Variants in CDK14 observed in about 807,000 individuals in gnomAD.
CDK14 encodes cyclin-dependent kinase 14.
CDK14 carries 34 observed loss-of-function variants against 60.7 expected under a neutral mutation model. The observed-to-expected ratio is 0.56, with a 90% CI of 0.43 to 0.75. CDK14 has a LOEUF of 0.75. CDK14 is among the 30% of genes least tolerant of loss of function. The pLI, the probability that CDK14 is intolerant of heterozygous loss-of-function variation, is 0.00. For missense variants in CDK14, 482 were observed against 564.1 expected (o/e 0.85, Z 1.47); for synonymous variants, 197 against 203.7 (o/e 0.97, Z 0.28).
intron 14 of CDK14, among the ~76,000 whole-genome samples, chr7:91,165,944 T>C (rs1288457127): frequency 2.6e-5 from 4 of 152,228 alleles, no homozygotes; most frequent in Non-Finnish European, 5.9e-5. Flanking sequence ...ATTTGTAGGC[T>C]TGGTTAGCAC....
At chr7:90,790,008 G>A (rs1309751423) in intron 4 of CDK14, among the ~76,000 whole-genome samples, 1 of 150,732 alleles carries the variant, frequency 6.6e-6, no homozygotes, top group Non-Finnish European at 1.5e-5. Flanking sequence ...CTTTTTTGAT[G>A]ACATACTGTA....
intron 6 of CDK14, among the ~76,000 whole-genome samples, chr7:90,889,358 T>C (rs1281975345): frequency 3.9e-5 from 6 of 152,214 alleles, no homozygotes; most frequent in African/African-American, 1.4e-4. Context: ...GTTTTTTGTT[T>C]TAATGGAAGG....
chr7:91,042,140 T>G (rs1797109775), intron 10 of CDK14, among the ~76,000 whole-genome samples: 1 of 152,158 alleles, frequency 6.6e-6, no homozygotes, highest in African/African-American at 2.4e-5. Flanking sequence ...GGAGTTCAGC[T>G]GGCAAAATTA....
At chr7:91,047,715 G>A (rs559507653) in intron 11 of CDK14, among the ~76,000 whole-genome samples, 36 of 152,300 alleles carry the variant, frequency 2.4e-4, no homozygotes, top group African/African-American at 8.2e-4. Context: ...CATGGGTGGT[G>A]ATGAGCAAGA....
intron 14 of CDK14, among the ~76,000 whole-genome samples, chr7:91,160,340 T>C (rs1336666240): frequency 6.6e-6 from 1 of 152,166 alleles, no homozygotes; most frequent in African/African-American, 2.4e-5. Context: ...AGAGCATAAG[T>C]ACCACCTCCA....
intron 14 of CDK14, among the ~76,000 whole-genome samples, chr7:91,201,269 A>G (rs1802712533): frequency 1.3e-5 from 2 of 152,256 alleles, no homozygotes; most frequent in African/African-American, 4.8e-5. Context: ...TCTTTCTGTC[A>G]AATGTTAGTA....
intron 14 of CDK14, among the ~76,000 whole-genome samples, chr7:91,124,523 T>A (rs1381239454): frequency 2.6e-5 from 4 of 152,018 alleles, no homozygotes; most frequent in African/African-American, 9.7e-5. Context: ...TTTTCTCTGA[T>A]TAAGGTTTTA....
At chr7:90,630,661 T>A (rs1222099030) in intron 2 of CDK14, among the ~76,000 whole-genome samples, 1 of 152,210 alleles carries the variant, frequency 6.6e-6, no homozygotes, top group Admixed American at 6.5e-5. Context: ...ATAACTGCAC[T>A]AATACACGTT....
chr7:90,860,666 C>T (rs1314219323), intron 5 of CDK14, among the ~76,000 whole-genome samples: 1 of 151,908 alleles, frequency 6.6e-6, no homozygotes, highest in East Asian at 1.9e-4. Flanking sequence ...GCTGGGATTA[C>T]AGGCACGTGC....
chr7:90,696,867 TAGG>T (rs1490311135), intron 2 of CDK14, among the ~76,000 whole-genome samples: 1 of 151,924 alleles, frequency 6.6e-6, no homozygotes, highest in Admixed American at 6.6e-5. Context: ...GCCAGTGAAG[TAGG>T]AGGAAAACTA....
intron 6 of CDK14, among the ~76,000 whole-genome samples, chr7:90,864,266 A>G (rs758819431): frequency 6.6e-6 from 1 of 152,162 alleles, no homozygotes; most frequent in Non-Finnish European, 1.5e-5. Flanking sequence ...TTTGAATAAT[A>G]TGGTAATGTG....
At chr7:90,923,918 C>T (rs1051426928) in intron 8 of CDK14, among the ~76,000 whole-genome samples, 2 of 152,166 alleles carry the variant, frequency 1.3e-5, no homozygotes, top group African/African-American at 4.8e-5. Context: ...CCATGATGAA[C>T]ACAGTGGAAG....
chr7:91,058,285 A>G (rs1156346069), intron 11 of CDK14, among the ~76,000 whole-genome samples: 9 of 152,094 alleles, frequency 5.9e-5, no homozygotes, highest in African/African-American at 2.2e-4. Context: ...GAAGTTGCTT[A>G]TCAGCTTAAG....
chr7:90,754,150 A>G (rs1803961802), intron 4 of CDK14, among the ~76,000 whole-genome samples: 1 of 152,230 alleles, frequency 6.6e-6, no homozygotes, highest in Admixed American at 6.5e-5. Context: ...ATATGGAATC[A>G]AAGAAGAGCT....
At chr7:91,010,172 A>C (rs1179408449) in intron 10 of CDK14, among the ~76,000 whole-genome samples, 1 of 141,766 alleles carries the variant, frequency 7.1e-6, no homozygotes, top group Non-Finnish European at 1.6e-5. Context: ...GTGGCTCTAT[A>C]ATAAGTTTTG....
chr7:90,990,937 A>G (rs1452904290), intron 10 of CDK14, among the ~76,000 whole-genome samples: 1 of 152,190 alleles, frequency 6.6e-6, no homozygotes, highest in Non-Finnish European at 1.5e-5. Flanking sequence ...CTATGGTGGT[A>G]AACCAACAAA....
At chr7:90,751,181 G>A (rs1803829724) in intron 4 of CDK14, among the ~76,000 whole-genome samples, 1 of 151,968 alleles carries the variant, frequency 6.6e-6, no homozygotes, top group Non-Finnish European at 1.5e-5. Flanking sequence ...AAAATCTGGA[G>A]AACATCTGGG....
Position 90,729,371 on chromosome 7 carries a change from TCC to T in CDK14, c.369+2562_369+2563del, listed in dbSNP as rs869290098. 6.8e-5 allele frequency among the ~76,000 whole-genome samples: 9 copies of T among 132,936 alleles called. 1 individual carries two copies. The highest frequency in any genetic ancestry group is 7.6e-5 in the Admixed American group (1 of 13,242). The allele number at this position is 132,936 out of a possible 152,430, so 87.2% of individuals were successfully genotyped here. ...TTTTTTTTTTTTTTTTTTTTTTTTT[TCC>T]CCACTCATCCTAGGCAATGTGACTT... On this transcript the variant is annotated intron_variant, in intron 3 of 14. Coordinates refer to ENST00000380050, the MANE Select transcript of CDK14 (RefSeq NM_001287135.2).
At chr7:91,100,520 G>A (rs1799121525) in intron 12 of CDK14, among the ~76,000 whole-genome samples, 1 of 152,106 alleles carries the variant, frequency 6.6e-6, no homozygotes. Context: ...ATATATATTA[G>A]TCTATGAATA....
Sources: gnomAD v4.1 joint callset for allele counts (sites outside exome capture counted in the v4.1 genomes callset) on GRCh38, gnomAD v4.1.1 for gene constraint, MANE v1.5 for transcripts, NCBI Gene and HGNC (gene_info 2026-07-23, HGNC 2026-07-21) for gene names.